The following KLF12 variants were observed in gnomAD, a reference collection of about 807,000 sequenced individuals.
KLF12 encodes Krueppel-like factor 12.
Under a neutral mutation model 37.8 loss-of-function variants are expected in KLF12, and 9 were observed. The observed-to-expected ratio is 0.24, with a 90% confidence interval of 0.14 to 0.42. The LOEUF is 0.42. Ranked by LOEUF, KLF12 falls within the 10% of genes least tolerant of loss-of-function variation. The pLI, the probability that KLF12 is intolerant of heterozygous loss-of-function variation, is 1.00. For synonymous variants in KLF12, 208 were observed against 202.1 expected, an observed-to-expected ratio of 1.03 and a Z score of -0.25; for missense variants, 411 against 516.0, an observed-to-expected ratio of 0.80 and a Z score of 1.97.
At chr13:73,835,560 G>T (rs1884385658) in intron 4 of KLF12, among the ~76,000 whole-genome samples, 2 of 152,192 alleles carry the variant, frequency 1.3e-5, no homozygotes, top group South Asian at 2.1e-4. Context: ...AACTGAGGGG[G>T]TTACTTTGAA....
chr13:73,870,026 G>A (rs1886389309), intron 3 of KLF12, among the ~76,000 whole-genome samples: 1 of 152,138 alleles, frequency 6.6e-6, no homozygotes, highest in Non-Finnish European at 1.5e-5. Context: ...TCTCATTTAT[G>A]TTGAACTAAA....
At chr13:73,815,848 A>G (rs1883187294) in intron 4 of KLF12, among the ~76,000 whole-genome samples, 1 of 152,246 alleles carries the variant, frequency 6.6e-6, no homozygotes, top group Non-Finnish European at 1.5e-5. Flanking sequence ...TCTGAAAGTT[A>G]AAGTCTAATT....
At chr13:74,079,348 T>C (rs1401569805) in intron 1 of KLF12, among the ~76,000 whole-genome samples, 2 of 152,294 alleles carry the variant, frequency 1.3e-5, no homozygotes, top group African/African-American at 2.4e-5. Context: ...TGCTAGTGAA[T>C]TGTACGCTGG....
At chr13:74,031,729 AG>A (rs1174929746) in intron 1 of KLF12, among the ~76,000 whole-genome samples, 1 of 152,188 alleles carries the variant, frequency 6.6e-6, no homozygotes, top group East Asian at 1.9e-4. Flanking sequence ...TAAAAGATAA[AG>A]TTACTTGAAA....
chr13:74,105,926 CACCTCT>C (rs1414238270), intron 1 of KLF12, among the ~76,000 whole-genome samples: 2 of 152,156 alleles, frequency 1.3e-5, no homozygotes, highest in Admixed American at 1.3e-4. Flanking sequence ...TTCTTAGTGT[CACCTCT>C]TATTGTAATG....
chr13:74,109,502 G>C (rs1042236627), intron 1 of KLF12, among the ~76,000 whole-genome samples: 2 of 152,052 alleles, frequency 1.3e-5, no homozygotes, highest in East Asian at 1.9e-4. Flanking sequence ...TTTGAATGCT[G>C]TAAGAAGTAC....
intron 3 of KLF12, among the ~76,000 whole-genome samples, chr13:73,940,972 C>A (rs947006778): frequency 1.3e-5 from 2 of 152,222 alleles, no homozygotes; most frequent in South Asian, 2.1e-4. Context: ...CAGCAGAGAA[C>A]AACTACATGC....
chr13:73,926,911 A>G (rs993965251), intron 3 of KLF12, among the ~76,000 whole-genome samples: 2 of 149,916 alleles, frequency 1.3e-5, no homozygotes. Context: ...ACATGACAGA[A>G]CAGCACTCAA....
intron 6 of KLF12, among the ~76,000 whole-genome samples, chr13:73,730,520 C>T (rs1371081386): frequency 2.6e-5 from 4 of 151,946 alleles, no homozygotes; most frequent in Non-Finnish European, 4.4e-5. Flanking sequence ...CAAAAACTCC[C>T]CCCAACTTAT....
Position 73,761,346 on chromosome 13 carries a change from T to C in KLF12, c.869+3592A>G, listed in dbSNP as rs373166134. 3.6e-4 allele frequency among the ~76,000 whole-genome samples: 55 copies of C among 152,222 alleles called. No individual in the cohort carries two copies. The South Asian group carries it at 0.011, about 31-fold the overall frequency. On this transcript the variant is annotated intron_variant, in intron 6 of 7. Transcript: ENST00000377669. ...AAGAATTATTATGAGCTACAGGCAA[T>C]GAAAAAGGAGGAGACACAAGAAAAA...
intron 1 of KLF12, among the ~76,000 whole-genome samples, chr13:74,124,767 G>C (rs533998346): frequency 1.7e-4 from 26 of 152,032 alleles, no homozygotes; most frequent in Non-Finnish European, 2.6e-4. Context: ...AGCTCTAAAA[G>C]ATAACAGAAA....
At chr13:74,072,004 C>T (rs1034744346) in intron 1 of KLF12, among the ~76,000 whole-genome samples, 2 of 152,032 alleles carry the variant, frequency 1.3e-5, no homozygotes, top group Non-Finnish European at 1.5e-5. Context: ...CAATCTACCG[C>T]AGAAACTTAC....
chr13:73,874,517 A>G (rs943704656), intron 3 of KLF12, among the ~76,000 whole-genome samples: 5 of 152,342 alleles, frequency 3.3e-5, no homozygotes, highest in Middle Eastern at 3.4e-3. Flanking sequence ...TTATTCAGGA[A>G]AATGTCACTG....
At chr13:74,001,030 C>T (rs1346803688) in intron 1 of KLF12, among the ~76,000 whole-genome samples, 1 of 152,046 alleles carries the variant, frequency 6.6e-6, no homozygotes, top group Non-Finnish European at 1.5e-5. Flanking sequence ...TAAATTGTAA[C>T]AAAATATAAA....
At chr13:73,780,471 G>GTTTTTTT (rs58306980) in intron 5 of KLF12, among the ~76,000 whole-genome samples, 1 of 145,372 alleles carries the variant, frequency 6.9e-6, no homozygotes, top group Non-Finnish European at 1.5e-5. Context: ...CCAAGGAATG[G>GTTTTTTT]TTTTTTTTTT....
At chr13:73,703,291 G>T (rs1263068835) in intron 7 of KLF12, among the ~76,000 whole-genome samples, 1 of 152,056 alleles carries the variant, frequency 6.6e-6, no homozygotes, top group Admixed American at 6.6e-5. Context: ...ATAATATAAA[G>T]TTAAAAATGG....
chr13:74,193,459 C>A, the KLF12 span, among the ~76,000 whole-genome samples: 17 of 152,270 alleles, frequency 1.1e-4, 1 homozygote, highest in South Asian at 3.5e-3. Flanking sequence ...ATAAATGGTA[C>A]AGCCAGGATT....
chr13:74,003,945 T>A (rs1892347679), intron 1 of KLF12, among the ~76,000 whole-genome samples: 1 of 152,184 alleles, frequency 6.6e-6, no homozygotes, highest in Non-Finnish European at 1.5e-5. Context: ...AAAAACCTAT[T>A]TGGAGACACA....
chr13:74,037,245 A>T (rs112252102), intron 1 of KLF12, among the ~76,000 whole-genome samples: 3,549 of 152,012 alleles, frequency 0.023, 139 homozygotes, highest in African/African-American at 0.078. Flanking sequence ...GAAAATGTGA[A>T]CTATTTCCTG....
Sources: gnomAD v4.1 joint callset for allele counts (sites outside exome capture counted in the v4.1 genomes callset) on GRCh38, gnomAD v4.1.1 for gene constraint, MANE v1.5 for transcripts, NCBI Gene and HGNC (gene_info 2026-07-23, HGNC 2026-07-21) for gene names.